SAMD5: variants seen among roughly 807,000 people sequenced by gnomAD.
SAMD5 encodes the protein sterile alpha motif domain containing 5.
Under a neutral mutation model 11.3 loss-of-function variants are expected in SAMD5, and 13 were observed. The observed-to-expected ratio is 1.15, with a 90% CI of 0.75 to 1.83. The LOEUF is 1.83. Ranked by LOEUF, SAMD5 falls within the 40% of genes most tolerant of loss-of-function variation. The pLI, the probability that SAMD5 is intolerant of heterozygous loss-of-function variation, is 0.00. For missense variants in SAMD5, 255 were observed against 239.1 expected (o/e 1.07, Z -0.44); for synonymous variants, 129 against 111.3 (o/e 1.16, Z -1.00).
rs373742632 is a variant in SAMD5 at position 147,508,852 on chromosome 6, A to C, written c.-77A>C. 1.8e-4 allele frequency: 270 copies of C among 1,535,712 alleles called. 2 individuals carry two copies. The East Asian group carries it at 5.9e-3, about 33-fold the overall frequency. On this transcript the variant is annotated 5_prime_UTR_variant, in exon 1 of 2. Coordinates refer to ENST00000367474, the MANE Select transcript of SAMD5 (RefSeq NM_001030060.3). ...CTTTTCCCCTTGGAGGAGAGGATTAAAAGTTCCAAGAACTGGTGCCGCCCG... is the reference window on the plus strand; with the variant it reads ...CTTTTCCCCTTGGAGGAGAGGATTACAAGTTCCAAGAACTGGTGCCGCCCG...
the SAMD5 span, among the ~76,000 whole-genome samples, chr6:147,849,494 G>A: frequency 3.3e-5 from 5 of 152,080 alleles, no homozygotes; most frequent in African/African-American, 1.2e-4. Flanking sequence ...TTACTTAAGA[G>A]TAACGCTCAA....
chr6:147,768,384 G>A, the SAMD5 span, among the ~76,000 whole-genome samples: 2 of 152,088 alleles, frequency 1.3e-5, no homozygotes. Context: ...TGTAATCCCA[G>A]CTACTTGGGA....
chr6:147,886,338 C>T, the SAMD5 span, among the ~76,000 whole-genome samples: 1 of 152,164 alleles, frequency 6.6e-6, no homozygotes, highest in South Asian at 2.1e-4. Flanking sequence ...TCAAACCACA[C>T]TCAGAATACA....
the SAMD5 span, among the ~76,000 whole-genome samples, chr6:147,761,957 C>T: frequency 6.6e-6 from 1 of 152,136 alleles, no homozygotes; most frequent in African/African-American, 2.4e-5. Context: ...AGTTGATCCA[C>T]CAGCCTCAGC....
chr6:147,902,174 C>T, the SAMD5 span, among the ~76,000 whole-genome samples: 1 of 151,918 alleles, frequency 6.6e-6, no homozygotes, highest in African/African-American at 2.4e-5. Context: ...CCAAATGGCC[C>T]CACACATCTC....
chr6:147,647,573 T>G (rs150325024), intron 1 of SAMD5, among the ~76,000 whole-genome samples: 71 of 152,228 alleles, frequency 4.7e-4, no homozygotes, highest in African/African-American at 1.7e-3. Flanking sequence ...TAGATGATTA[T>G]AAGTGGTAGA....
At chr6:147,634,315 A>G (rs1397929245) in intron 1 of SAMD5, among the ~76,000 whole-genome samples, 1 of 152,184 alleles carries the variant, frequency 6.6e-6, no homozygotes, top group Non-Finnish European at 1.5e-5. Flanking sequence ...AGATGGCCAG[A>G]GCAGAAGGAA....
intron 1 of SAMD5, among the ~76,000 whole-genome samples, chr6:147,703,193 G>A (rs758632847): frequency 3.3e-5 from 5 of 151,886 alleles, no homozygotes; most frequent in African/African-American, 4.8e-5. Context: ...TCAGCCTCCC[G>A]AGTAGCTAGG....
chr6:147,715,237 C>A lies in SAMD5; in HGVS notation c.163-22080C>A, dbSNP rs192184612. Among the ~76,000 whole-genome samples, 4 of 152,334 alleles carry A rather than the reference C, an allele frequency of 2.6e-5. No homozygotes were observed. The East Asian group carries it at 7.7e-4, about 29-fold the overall frequency. On this transcript the variant is annotated intron_variant, in intron 1 of 1. Transcript: ENST00000566741. ...CAGCTCGTGCTATTGGCCCAAATCT[C>A]ATGCCCGCCAAGAGTGAGCCAGGCG... is the stretch of plus-strand genomic sequence containing the variant.
intron 1 of SAMD5, among the ~76,000 whole-genome samples, chr6:147,606,536 T>A (rs1054779249): frequency 6.8e-6 from 1 of 146,170 alleles, no homozygotes; most frequent in African/African-American, 2.5e-5. Flanking sequence ...TTTTTATTTT[T>A]ATTTATTTAT....
chr6:147,941,605 C>A, the SAMD5 span, among the ~76,000 whole-genome samples: 4 of 151,992 alleles, frequency 2.6e-5, no homozygotes, highest in Admixed American at 2.0e-4. Context: ...CATTTATAAA[C>A]AAAAAATGTG....
the SAMD5 span, among the ~76,000 whole-genome samples, chr6:147,802,115 G>GT: frequency 6.6e-6 from 1 of 152,142 alleles, no homozygotes; most frequent in Admixed American, 6.6e-5. Flanking sequence ...AAATGAACAG[G>GT]TAAGTTACAC....
At chr6:147,720,887 C>T (rs1791541937) in intron 1 of SAMD5, among the ~76,000 whole-genome samples, 2 of 133,154 alleles carry the variant, frequency 1.5e-5, no homozygotes, top group Non-Finnish European at 3.2e-5. Context: ...TGTGATGTTC[C>T]CCTTCCTGTG....
At chr6:147,806,864 G>A in the SAMD5 span, among the ~76,000 whole-genome samples, 5 of 152,094 alleles carry the variant, frequency 3.3e-5, no homozygotes, top group African/African-American at 4.8e-5. Context: ...CATGAGGGTG[G>A]GGCCCTCATA....
chr6:147,739,000 A>C (rs1791842720), downstream of SAMD5, among the ~76,000 whole-genome samples: 1 of 152,216 alleles, frequency 6.6e-6, no homozygotes, highest in African/African-American at 2.4e-5. Context: ...GCCTGTGAGA[A>C]AACCCGGAGG....
At chr6:147,943,973 A>T in the SAMD5 span, among the ~76,000 whole-genome samples, 2 of 152,188 alleles carry the variant, frequency 1.3e-5, no homozygotes, top group African/African-American at 4.8e-5. Flanking sequence ...CAAGGGCACC[A>T]GGGCTGCCCT....
chr6:147,883,923 G>C, the SAMD5 span, among the ~76,000 whole-genome samples: 1 of 152,178 alleles, frequency 6.6e-6, no homozygotes, highest in Non-Finnish European at 1.5e-5. Flanking sequence ...CTAAATTAAT[G>C]AAAGGTTATT....
At chr6:147,877,891 A>AGC in the SAMD5 span, among the ~76,000 whole-genome samples, 4 of 90,204 alleles carry the variant, frequency 4.4e-5, no homozygotes, top group African/African-American at 1.1e-4. Flanking sequence ...CGATAGATAG[A>AGC]TAGCTAGATA....
At chr6:147,822,086 G>A in the SAMD5 span, among the ~76,000 whole-genome samples, 2 of 152,152 alleles carry the variant, frequency 1.3e-5, no homozygotes, top group Non-Finnish European at 2.9e-5. Context: ...AACACCTGTA[G>A]ACAAAGCTCT....
Sources: allele counts gnomAD v4.1 joint callset (sites outside exome capture counted in the v4.1 genomes callset), GRCh38; gene constraint gnomAD v4.1.1; transcripts MANE v1.5; gene names NCBI Gene and HGNC (gene_info 2026-07-23, HGNC 2026-07-21).